Variants in TENM3 observed in about 807,000 individuals in gnomAD.
TENM3 encodes the protein teneurin-3.
TENM3 carries 63 observed loss-of-function variants against 255.1 expected under a neutral mutation model. The ratio of observed to expected loss-of-function variants is 0.25; its 90% CI spans 0.20 to 0.30. The LOEUF is 0.30. Among genes scored for constraint, TENM3 ranks in the 10% least tolerant of loss-of-function variants. The pLI is 1.00. For synonymous variants in TENM3, 1,306 were observed against 1,322.3 expected (o/e 0.99, Z 0.27); for missense variants, 2,929 against 3,461.1 (o/e 0.85, Z 3.86).
intron 27 of TENM3, among the ~76,000 whole-genome samples, chr4:182,797,223 T>C (rs1434485124): frequency 2.0e-5 from 3 of 152,288 alleles, no homozygotes; most frequent in African/African-American, 7.2e-5. Context: ...TCGGATCACC[T>C]GAGGTCGGGA....
the TENM3 span, among the ~76,000 whole-genome samples, chr4:181,468,022 G>T: frequency 6.6e-6 from 1 of 151,760 alleles, no homozygotes; most frequent in South Asian, 2.1e-4. Flanking sequence ...AAGGCCTGGT[G>T]CAGTGGCTCA....
rs1200610033 is a variant in TENM3, at chr4:182,520,117, G to T, written c.512-80807G>T. ...AGATAATTTTTTAAAAATGAAATTT[G>T]AAGGAAAAGAAAGATACAGATAGGA... is the stretch of plus-strand genomic sequence containing the variant. On this transcript the variant is annotated intron_variant, in intron 3 of 27. Coordinates refer to ENST00000511685, the MANE Select transcript of TENM3 (RefSeq NM_001080477.4). 2.0e-5 allele frequency among the ~76,000 whole-genome samples: 3 copies of T among 152,018 alleles called. No individual in the cohort carries two copies. In the East Asian group the frequency reaches 5.8e-4, roughly 29 times the overall value.
intron 3 of TENM3, among the ~76,000 whole-genome samples, chr4:182,579,799 A>G (rs1175408776): frequency 6.6e-6 from 1 of 152,226 alleles, no homozygotes; most frequent in Non-Finnish European, 1.5e-5. Context: ...CAAAGTTGTT[A>G]CAGGACTCTG....
chr4:182,218,360 A>G (rs185228426), intron 1 of TENM3, among the ~76,000 whole-genome samples: 111 of 152,272 alleles, frequency 7.3e-4, no homozygotes, highest in Middle Eastern at 3.4e-3. Context: ...ATAATTGAAT[A>G]TATTATATAG....
chr4:181,551,457 T>C, the TENM3 span, among the ~76,000 whole-genome samples: 1 of 152,204 alleles, frequency 6.6e-6, no homozygotes, highest in African/African-American at 2.4e-5. Flanking sequence ...GTCATCCTTT[T>C]TGATCACACT....
the TENM3 span, among the ~76,000 whole-genome samples, chr4:182,075,379 C>T: frequency 4.0e-5 from 6 of 151,588 alleles, no homozygotes; most frequent in South Asian, 2.1e-4. Flanking sequence ...TTTGTATTTT[C>T]AGTAGAGACG....
chr4:182,674,379 T>C (rs1198232411), intron 7 of TENM3, among the ~76,000 whole-genome samples: 2 of 152,172 alleles, frequency 1.3e-5, no homozygotes, highest in Non-Finnish European at 2.9e-5. Flanking sequence ...ATTTAGTTCA[T>C]ATACATATAT....
At chr4:182,179,782 T>C (rs540509000) in intron 1 of TENM3, among the ~76,000 whole-genome samples, 73 of 152,360 alleles carry the variant, frequency 4.8e-4, no homozygotes, top group Middle Eastern at 3.4e-3. Flanking sequence ...CTTCTAAATA[T>C]TGTTTATGTT....
chr4:181,553,480 C>T, the TENM3 span, among the ~76,000 whole-genome samples: 13 of 151,880 alleles, frequency 8.6e-5, no homozygotes, highest in African/African-American at 2.7e-4. Context: ...CTGGCTCTGT[C>T]GCCCAGGCTG....
At chr4:181,607,288 C>A in the TENM3 span, among the ~76,000 whole-genome samples, 22 of 152,302 alleles carry the variant, frequency 1.4e-4, no homozygotes, top group African/African-American at 4.6e-4. Flanking sequence ...TGGTGATAGT[C>A]TATGTCAGTG....
the TENM3 span, among the ~76,000 whole-genome samples, chr4:182,122,803 T>G: frequency 6.6e-6 from 1 of 152,240 alleles, no homozygotes; most frequent in Non-Finnish European, 1.5e-5. Context: ...AGCCAGGCAC[T>G]GACTTGTCTC....
chr4:182,093,283 A>C, the TENM3 span, among the ~76,000 whole-genome samples: 1 of 152,188 alleles, frequency 6.6e-6, no homozygotes, highest in South Asian at 2.1e-4. Context: ...GTTCTCATGA[A>C]TTATTGAGAC....
At chr4:182,284,732 A>G (rs1488714459) in intron 1 of TENM3, among the ~76,000 whole-genome samples, 1 of 152,202 alleles carries the variant, frequency 6.6e-6, no homozygotes, top group East Asian at 1.9e-4. Context: ...TACTCTCAAC[A>G]TTGTCTTTAC....
At chr4:182,489,847 T>C (rs1735111162) in intron 3 of TENM3, among the ~76,000 whole-genome samples, 1 of 45,324 alleles carries the variant, frequency 2.2e-5, no homozygotes, top group Admixed American at 1.9e-4. Context: ...TCCTCCCTCC[T>C]TCCTTTTCTT....
At chr4:181,894,337 A>G in the TENM3 span, among the ~76,000 whole-genome samples, 2 of 152,194 alleles carry the variant, frequency 1.3e-5, no homozygotes, top group Non-Finnish European at 2.9e-5. Flanking sequence ...AGGTAGCTCT[A>G]ATTCTCTCAG....
chr4:181,908,954 T>C, the TENM3 span, among the ~76,000 whole-genome samples: 2 of 152,206 alleles, frequency 1.3e-5, no homozygotes, highest in African/African-American at 4.8e-5. Flanking sequence ...TATTTGGTTA[T>C]AGGTATTAGA....
At chr4:182,422,146 C>T (rs922083696) in intron 3 of TENM3, among the ~76,000 whole-genome samples, 2 of 152,128 alleles carry the variant, frequency 1.3e-5, no homozygotes, top group African/African-American at 4.8e-5. Flanking sequence ...TCTGAAGCCA[C>T]GCAAATTCGT....
At chr4:182,753,039 C>T (rs185733319) in intron 20 of TENM3, among the ~76,000 whole-genome samples, 161 of 151,488 alleles carry the variant, frequency 1.1e-3, no homozygotes, top group African/African-American at 3.8e-3. Context: ...CTCCGCCTCC[C>T]GGGTTCAAGC....
chr4:181,778,659 C>A, the TENM3 span, among the ~76,000 whole-genome samples: 1 of 152,088 alleles, frequency 6.6e-6, no homozygotes, highest in Non-Finnish European at 1.5e-5. Context: ...CTCAGACATT[C>A]TTAGCAAGGG....
Sources: allele counts gnomAD v4.1 joint callset (sites outside exome capture counted in the v4.1 genomes callset), GRCh38; gene constraint gnomAD v4.1.1; transcripts MANE v1.5; gene names NCBI Gene and HGNC (gene_info 2026-07-23, HGNC 2026-07-21).